GALNT17: variants seen among roughly 807,000 people sequenced by gnomAD.
GALNT17 encodes the protein UDP-GalNAc:polypeptide N-acetylgalactosaminyltransferase-like 3.
Under a neutral mutation model 63.7 loss-of-function variants are expected in GALNT17, and 29 were observed. The observed-to-expected ratio is 0.46, with a 90% CI of 0.34 to 0.62. The LOEUF is 0.62. Ranked by LOEUF, GALNT17 falls within the 20% of genes least tolerant of loss-of-function variation. The pLI is 0.01. For synonymous variants in GALNT17, 305 were observed against 318.3 expected, an observed-to-expected ratio of 0.96 and a Z score of 0.45; for missense variants, 603 against 799.6, an observed-to-expected ratio of 0.75 and a Z score of 2.97.
At chr7:71,697,137 A>G (rs1382770366) in intron 9 of GALNT17, among the ~76,000 whole-genome samples, 5 of 152,214 alleles carry the variant, frequency 3.3e-5, no homozygotes, top group Non-Finnish European at 7.3e-5. Flanking sequence ...CTGAAAAGGT[A>G]AGTGGGACCA....
chr7:71,219,601 T>C (rs183183800), intron 1 of GALNT17, among the ~76,000 whole-genome samples: 2 of 152,294 alleles, frequency 1.3e-5, no homozygotes, highest in East Asian at 3.9e-4. Flanking sequence ...AGAGCCTTTC[T>C]TATTTCCTGA....
chr7:71,229,270 C>G (rs551772868), intron 1 of GALNT17, among the ~76,000 whole-genome samples: 3 of 152,186 alleles, frequency 2.0e-5, no homozygotes, highest in Non-Finnish European at 4.4e-5. Flanking sequence ...CAGGCCACTG[C>G]GACTTGGGAG....
At chr7:71,478,043 G>T (rs139257874) in intron 5 of GALNT17, among the ~76,000 whole-genome samples, 2 of 152,166 alleles carry the variant, frequency 1.3e-5, no homozygotes, top group South Asian at 4.1e-4. Context: ...CATTTAGAGG[G>T]TGTAGGATTT....
At chr7:71,657,964 G>A (rs534404606) in intron 6 of GALNT17, among the ~76,000 whole-genome samples, 1 of 152,250 alleles carries the variant, frequency 6.6e-6, no homozygotes, top group East Asian at 1.9e-4. Flanking sequence ...GAGTGCGGTG[G>A]CATCATCATA....
At chr7:71,497,260 G>A (rs1788111502) in intron 5 of GALNT17, among the ~76,000 whole-genome samples, 1 of 152,150 alleles carries the variant, frequency 6.6e-6, no homozygotes, top group South Asian at 2.1e-4. Context: ...CACACATTGT[G>A]CAAACTGTGT....
At chr7:71,587,279 CA>C (rs1313001727) in intron 6 of GALNT17, among the ~76,000 whole-genome samples, 1 of 152,168 alleles carries the variant, frequency 6.6e-6, no homozygotes, top group Non-Finnish European at 1.5e-5. Flanking sequence ...CCGCCTGCCT[CA>C]GCCTCCAAAA....
chr7:71,157,197 C>T (rs917165130), intron 1 of GALNT17, among the ~76,000 whole-genome samples: 1 of 151,800 alleles, frequency 6.6e-6, no homozygotes, highest in Non-Finnish European at 1.5e-5. Flanking sequence ...ATCTGTGAAC[C>T]ATTTCTTGGA....
intron 1 of GALNT17, among the ~76,000 whole-genome samples, chr7:71,143,888 A>G (rs1486749749): frequency 6.6e-6 from 1 of 151,886 alleles, no homozygotes; most frequent in Non-Finnish European, 1.5e-5. Flanking sequence ...TAAAAAAAAA[A>G]AAAGAGTGCA....
At chr7:71,164,626 A>G (rs1788404700) in intron 1 of GALNT17, among the ~76,000 whole-genome samples, 1 of 152,230 alleles carries the variant, frequency 6.6e-6, no homozygotes, top group Non-Finnish European at 1.5e-5. Context: ...TTCTGTCTTC[A>G]ACACGAAATT....
chr7:71,461,128 C>T (rs1220117379), intron 5 of GALNT17, among the ~76,000 whole-genome samples: 2 of 152,182 alleles, frequency 1.3e-5, no homozygotes, highest in Non-Finnish European at 2.9e-5. Flanking sequence ...TTCCTGAAGA[C>T]TTTCTCATGC....
intron 5 of GALNT17, among the ~76,000 whole-genome samples, chr7:71,520,462 G>A (rs1319780960): frequency 6.6e-6 from 1 of 152,060 alleles, no homozygotes; most frequent in Non-Finnish European, 1.5e-5. Flanking sequence ...GGCGGAGGTT[G>A]TAGTGAGCTG....
chr7:71,339,871 T>C (rs780556116), intron 2 of GALNT17, among the ~76,000 whole-genome samples: 6 of 152,024 alleles, frequency 3.9e-5, no homozygotes, highest in Non-Finnish European at 8.8e-5. Context: ...TGAACCTTCC[T>C]GAAACCCTAT....
chr7:71,311,988 A>G (rs1016364896), intron 1 of GALNT17, among the ~76,000 whole-genome samples: 4 of 152,206 alleles, frequency 2.6e-5, no homozygotes, highest in African/African-American at 9.6e-5. Context: ...TCCATGAGAC[A>G]TGTCCATGAG....
chr7:71,197,398 C>T (rs1307550864), intron 1 of GALNT17, among the ~76,000 whole-genome samples: 11 of 149,948 alleles, frequency 7.3e-5, no homozygotes, highest in African/African-American at 2.2e-4. Flanking sequence ...TTAGTGGAGA[C>T]GGGGTTTCAC....
At chr7:71,361,331 T>G (rs1360247835) in intron 2 of GALNT17, among the ~76,000 whole-genome samples, 1 of 152,204 alleles carries the variant, frequency 6.6e-6, no homozygotes, top group Non-Finnish European at 1.5e-5. Context: ...GTGATATGGG[T>G]GCCTACAGAC....
rs185459681 is a variant in GALNT17 at position 71,227,038 on chromosome 7, T to C, written c.238+93998T>C. The stretch of plus-strand genomic sequence containing the variant: ...TTTGAGCCCCTCCTTGAAATCTGCA[T>C]TTAAAGCATTCAGAAGATGCTGAGC... On this transcript the variant is annotated intron_variant, in intron 1 of 10. Transcript: ENST00000333538. Among the ~76,000 whole-genome samples the C allele has an allele frequency of 7.8e-4, 118 of 151,836 alleles. 1 individual carries two copies. The highest frequency in any genetic ancestry group is 2.6e-3 in the African/African-American group (108 of 41,426).
At chr7:71,407,517 G>A (rs752946073) in intron 3 of GALNT17, among the ~76,000 whole-genome samples, 1 of 152,184 alleles carries the variant, frequency 6.6e-6, no homozygotes, top group African/African-American at 2.4e-5. Context: ...GGAGGCTAAG[G>A]CAGGAGCATC....
intron 5 of GALNT17, among the ~76,000 whole-genome samples, chr7:71,491,215 A>G (rs909318350): frequency 6.6e-6 from 1 of 152,096 alleles, no homozygotes; most frequent in African/African-American, 2.4e-5. Context: ...AAAAAAAAGA[A>G]AAGAAAAACA....
At chr7:71,647,503 C>T (rs1398329731) in intron 6 of GALNT17, among the ~76,000 whole-genome samples, 1 of 152,050 alleles carries the variant, frequency 6.6e-6, no homozygotes, top group Admixed American at 6.6e-5. Context: ...CTGTTGATAC[C>T]CTCCATTTTC....
Sources: allele counts gnomAD v4.1 joint callset (sites outside exome capture counted in the v4.1 genomes callset), GRCh38; gene constraint gnomAD v4.1.1; transcripts MANE v1.5; gene names NCBI Gene and HGNC (gene_info 2026-07-23, HGNC 2026-07-21).